The following ROR1 variants were observed in gnomAD, a reference collection of about 807,000 sequenced individuals.
ROR1 encodes the protein ROR family WNT receptor 1.
A neutral mutation model predicts 78.8 loss-of-function variants in ROR1; 19 were observed. The ratio of observed to expected loss-of-function variants is 0.24; its 90% CI spans 0.17 to 0.35. The LOEUF is 0.35. ROR1 is among the 10% of genes least tolerant of loss of function. ROR1 has a pLI of 1.00. For missense variants in ROR1, 917 were observed against 1,177.8 expected, an observed-to-expected ratio of 0.78 and a Z score of 3.24; for synonymous variants, 386 against 433.6, an observed-to-expected ratio of 0.89 and a Z score of 1.36.
At chr1:63,921,415 AG>A (rs1645653426) in intron 1 of ROR1, among the ~76,000 whole-genome samples, 1 of 152,102 alleles carries the variant, frequency 6.6e-6, no homozygotes, top group Non-Finnish European at 1.5e-5. Flanking sequence ...AGTAAATGGC[AG>A]AGGAAATACA....
intron 1 of ROR1, among the ~76,000 whole-genome samples, chr1:63,965,876 C>T (rs1569986652): frequency 6.6e-6 from 1 of 152,144 alleles, no homozygotes; most frequent in African/African-American, 2.4e-5. Context: ...CAATGAATAC[C>T]GCAAGGACTG....
chr1:64,167,186 G>C (rs928576525), intron 8 of ROR1, among the ~76,000 whole-genome samples: 10 of 152,080 alleles, frequency 6.6e-5, no homozygotes, highest in African/African-American at 2.2e-4. Context: ...AAATATATGA[G>C]CCCAAGTTAT....
Position 64,170,824 on chromosome 1 carries a change from G to A in ROR1, c.1387-6604G>A, listed in dbSNP as rs181237555. 5.3e-3 allele frequency among the ~76,000 whole-genome samples: 806 copies of A among 152,138 alleles called. 9 individuals carry two copies. Among genetic ancestry groups the A allele is most frequent in the African/African-American group, 0.017 (712 of 41,498 alleles). ...AGTTCAAAGTTCCACAAATCTCTAG[G>A]GCAGGGGAAAAATGCCGCCAGTCTC... On this transcript the variant is annotated intron_variant, in intron 8 of 8. Transcript: ENST00000371079.
At chr1:63,839,377 TA>T (rs1645036402) in intron 1 of ROR1, among the ~76,000 whole-genome samples, 1 of 152,090 alleles carries the variant, frequency 6.6e-6, no homozygotes, top group Non-Finnish European at 1.5e-5. Flanking sequence ...TCTATCTATC[TA>T]TCTATCTATC....
At chr1:63,938,676 G>A (rs942598630) in intron 1 of ROR1, among the ~76,000 whole-genome samples, 36 of 152,166 alleles carry the variant, frequency 2.4e-4, no homozygotes, top group African/African-American at 8.7e-4. Flanking sequence ...GTTTGTCCTT[G>A]TAATTTTTTT....
chr1:63,839,853 G>T (rs1645039289), intron 1 of ROR1, among the ~76,000 whole-genome samples: 1 of 151,258 alleles, frequency 6.6e-6, no homozygotes, highest in Non-Finnish European at 1.5e-5. Context: ...GATATTTAGG[G>T]TATTTCATCA....
intron 1 of ROR1, among the ~76,000 whole-genome samples, chr1:63,786,956 T>G (rs1327534811): frequency 1.3e-5 from 2 of 152,172 alleles, no homozygotes; most frequent in Non-Finnish European, 2.9e-5. Context: ...TCCTCTCCAG[T>G]AAGAAGTTTA....
chr1:64,089,880 G>A (rs1364131861), intron 4 of ROR1, among the ~76,000 whole-genome samples: 1 of 151,992 alleles, frequency 6.6e-6, no homozygotes, highest in East Asian at 1.9e-4. Context: ...TTGAATCGTC[G>A]GGGCAGTTTC....
chr1:63,938,463 C>T (rs1645810650), intron 1 of ROR1, among the ~76,000 whole-genome samples: 1 of 152,058 alleles, frequency 6.6e-6, no homozygotes, highest in Non-Finnish European at 1.5e-5. Flanking sequence ...GTGACTTTCC[C>T]CACACTGAGC....
chr1:63,974,020 A>G (rs146699768), intron 1 of ROR1, among the ~76,000 whole-genome samples: 1 of 152,246 alleles, frequency 6.6e-6, no homozygotes. Context: ...CTAAACACTC[A>G]TAAGTTCATC....
intron 1 of ROR1, among the ~76,000 whole-genome samples, chr1:63,952,297 G>A (rs1199838019): frequency 1.3e-5 from 2 of 152,220 alleles, no homozygotes; most frequent in Middle Eastern, 3.4e-3. Flanking sequence ...GGGCCTTTTC[G>A]AGGAAGGTCC....
intron 1 of ROR1, among the ~76,000 whole-genome samples, chr1:64,000,251 G>C (rs984923945): frequency 6.6e-6 from 1 of 152,138 alleles, no homozygotes; most frequent in Non-Finnish European, 1.5e-5. Flanking sequence ...GGAAACCCGA[G>C]ATGTCCACAG....
At chr1:63,872,110 G>A (rs774005813) in intron 1 of ROR1, among the ~76,000 whole-genome samples, 69 of 152,178 alleles carry the variant, frequency 4.5e-4, no homozygotes, top group Non-Finnish European at 2.2e-4. Context: ...CATGCTTTCA[G>A]CAGAAACTGT....
At chr1:63,965,102 A>C (rs1557586153) in intron 1 of ROR1, among the ~76,000 whole-genome samples, 1 of 152,186 alleles carries the variant, frequency 6.6e-6, no homozygotes, top group Non-Finnish European at 1.5e-5. Context: ...CTATCATTTC[A>C]TTCTAAGAAC....
At chr1:64,130,987 A>G (rs541718437) in intron 4 of ROR1, among the ~76,000 whole-genome samples, 2 of 152,276 alleles carry the variant, frequency 1.3e-5, no homozygotes, top group East Asian at 3.9e-4. Flanking sequence ...CACAAGTTTT[A>G]AAAAGGGATG....
At chr1:63,887,348 A>G (rs1645364413) in intron 1 of ROR1, among the ~76,000 whole-genome samples, 1 of 152,142 alleles carries the variant, frequency 6.6e-6, no homozygotes, top group South Asian at 2.1e-4. Context: ...GCTAATGCTT[A>G]TTTTGAATAC....
At position 64,009,137 on chromosome 1, in the gene ROR1, C is replaced by T. The variant is rs1260729419; in HGVS notation, c.92-168C>T. Among the ~76,000 whole-genome samples the T allele has an allele frequency of 1.7e-4, 26 of 152,254 alleles. No individual in the cohort carries two copies. In the Middle Eastern group the frequency reaches 0.01, roughly 60 times the overall value. ...GATGGCATCTAAAATGCAGGCGCCT[C>T]TACTGGCATCTAGAGCCACCATTCC... On this transcript the variant is annotated intron_variant, in intron 1 of 8. Coordinates refer to ENST00000371079, the MANE Select transcript of ROR1 (RefSeq NM_005012.4).
chr1:64,132,533 G>T (rs750748938), intron 4 of ROR1, among the ~76,000 whole-genome samples: 1 of 152,086 alleles, frequency 6.6e-6, no homozygotes, highest in Non-Finnish European at 1.5e-5. Context: ...GCCAAGGCAG[G>T]TGGATCATCT....
chr1:63,792,714 C>T (rs1344655934), intron 1 of ROR1, among the ~76,000 whole-genome samples: 2 of 152,244 alleles, frequency 1.3e-5, no homozygotes, highest in East Asian at 1.9e-4. Flanking sequence ...CTTCTTATTA[C>T]GCCAATTCTC....
Sources: allele counts gnomAD v4.1 joint callset (sites outside exome capture counted in the v4.1 genomes callset), GRCh38; gene constraint gnomAD v4.1.1; transcripts MANE v1.5; gene names NCBI Gene and HGNC (gene_info 2026-07-23, HGNC 2026-07-21).